The following ZNF254 variants were observed in gnomAD, a reference collection of about 807,000 sequenced individuals.
ZNF254 encodes the protein zinc finger protein 254.
Under a neutral mutation model 12.4 loss-of-function variants are expected in ZNF254, and 10 were observed. That is an observed-to-expected ratio of 0.80 (90% CI 0.50 to 1.36). The LOEUF is 1.36. Among genes scored for constraint, ZNF254 ranks in the 40% most tolerant of loss-of-function variants. ZNF254 has a pLI of 0.00. For synonymous variants in ZNF254, 305 were observed against 253.4 expected (o/e 1.20, Z -1.93); for missense variants, 996 against 763.9 (o/e 1.30, Z -3.58).
chr19:24,077,226 C>A (rs1971689751), intron 2 of ZNF254, among the ~76,000 whole-genome samples: 1 of 152,170 alleles, frequency 6.6e-6, no homozygotes, highest in African/African-American at 2.4e-5. Flanking sequence ...CTGACCACAC[C>A]AATGTACATC....
intron 2 of ZNF254, among the ~76,000 whole-genome samples, chr19:24,063,597 G>A (rs1421809930): frequency 1.3e-5 from 2 of 152,156 alleles, no homozygotes; most frequent in Non-Finnish European, 2.9e-5. Flanking sequence ...AGAGGGGATT[G>A]TAATATATGT....
upstream of ZNF254, among the ~76,000 whole-genome samples, chr19:24,086,035 G>A (rs941386650): frequency 3.3e-5 from 5 of 151,238 alleles, no homozygotes; most frequent in East Asian, 8.1e-4. Flanking sequence ...GTGAAACCCC[G>A]TCTCTACTAA....
At chr19:24,109,263 A>G (rs1392650859) in intron 3 of ZNF254, among the ~76,000 whole-genome samples, 1 of 152,186 alleles carries the variant, frequency 6.6e-6, no homozygotes, top group Non-Finnish European at 1.5e-5. Flanking sequence ...TACTGCATTT[A>G]CTCTGAAATT....
intron 3 of ZNF254, among the ~76,000 whole-genome samples, chr19:24,115,205 G>C (rs1202037517): frequency 7.9e-5 from 12 of 151,974 alleles, no homozygotes; most frequent in Admixed American, 3.9e-4. Flanking sequence ...AAATCATGCT[G>C]CTATAAAGAC....
chr19:24,039,434 AT>A (rs939401166), intron 1 of ZNF254, among the ~76,000 whole-genome samples: 3 of 151,958 alleles, frequency 2.0e-5, no homozygotes, highest in African/African-American at 7.3e-5. Context: ...TTATTTGTTT[AT>A]TTTTTTATGA....
At chr19:24,116,847 G>A (rs1478857568) in intron 3 of ZNF254, among the ~76,000 whole-genome samples, 1 of 152,038 alleles carries the variant, frequency 6.6e-6, no homozygotes, top group African/African-American at 2.4e-5. Context: ...GGTCTTTGAC[G>A]ATGGTGATGT....
chr19:24,096,834 C>T (rs375966591), intron 1 of ZNF254, among the ~76,000 whole-genome samples: 9 of 152,256 alleles, frequency 5.9e-5, no homozygotes, highest in Admixed American at 2.6e-4. Flanking sequence ...TTCATGTGAA[C>T]CCATGAATTT....
chr19:24,109,133 G>T (rs1973510657), intron 3 of ZNF254, among the ~76,000 whole-genome samples: 1 of 152,178 alleles, frequency 6.6e-6, no homozygotes, highest in Non-Finnish European at 1.5e-5. Context: ...TCTAAACTTG[G>T]ATTACAGTAG....
At chr19:24,108,520 G>GTTAT (rs1973472045) in intron 3 of ZNF254, among the ~76,000 whole-genome samples, 1 of 152,078 alleles carries the variant, frequency 6.6e-6, no homozygotes, top group African/African-American at 2.4e-5. Flanking sequence ...TTGATCTGGG[G>GTTAT]TATTGTAACA....
rs189003352 is a variant in ZNF254 at position 24,101,328 on chromosome 19, T to A, written c.31-4612T>A. On this transcript the variant is annotated intron_variant, in intron 1 of 3. Transcript: ENST00000357002. ...TATAAAACAGGGTCCTACTTTAGAT[T>A]GAGAATGTACAGAAAACCAATAGGA... 6.6e-5 allele frequency among the ~76,000 whole-genome samples: 10 copies of A among 152,330 alleles called. No homozygotes were observed. In the East Asian group the frequency reaches 1.7e-3, roughly 26 times the overall value.
chr19:24,057,688 T>G (rs118046635), intron 2 of ZNF254, among the ~76,000 whole-genome samples: 1 of 152,238 alleles, frequency 6.6e-6, no homozygotes, highest in Admixed American at 6.5e-5. Context: ...TTTACTCTTA[T>G]AAGTGAATCC....
intron 3 of ZNF254, among the ~76,000 whole-genome samples, chr19:24,120,452 G>A (rs1171038247): frequency 1.3e-5 from 2 of 151,980 alleles, no homozygotes; most frequent in African/African-American, 2.4e-5. Context: ...ATTATTTTGT[G>A]TATTAACATT....
intron 2 of ZNF254, 129 bp from the exon 3 acceptor site, chr19:24,106,419 C>A (rs1973343783): frequency 1.5e-6 from 1 of 662,554 alleles, no homozygotes; most frequent in African/African-American, 1.9e-5. Context: ...TTAAAAATTT[C>A]TGTTATAAAT....
chr19:24,129,960 GTAAA>G (rs951263065), exon 4 of ZNF254: 2 of 152,060 alleles, frequency 1.3e-5, no homozygotes, highest in Admixed American at 6.6e-5. Context: ...AACCTTAGGT[GTAAA>G]TAAATTATGG....
intron 3 of ZNF254, among the ~76,000 whole-genome samples, chr19:24,114,771 CCTA>C (rs1973922747): frequency 6.7e-6 from 1 of 148,958 alleles, no homozygotes; most frequent in Admixed American, 6.7e-5. Flanking sequence ...ATTTTCGCAA[CCTA>C]CTCATCTGAC....
intron 1 of ZNF254, among the ~76,000 whole-genome samples, chr19:24,092,424 C>T (rs895410644): frequency 6.6e-6 from 1 of 152,038 alleles, no homozygotes; most frequent in Non-Finnish European, 1.5e-5. Context: ...CCCTCCCCCC[C>T]GGCCTCCCAA....
chr19:24,110,572 A>AG (rs1349262273), intron 3 of ZNF254, among the ~76,000 whole-genome samples: 3 of 152,118 alleles, frequency 2.0e-5, no homozygotes, highest in Non-Finnish European at 4.4e-5. Flanking sequence ...TTTCAAAAAA[A>AG]AAAAAGTGTA....
Position 24,106,556 on chromosome 19 carries a change from G to A in ZNF254, c.166G>A (p.Val56Ile), listed in dbSNP as rs751789205. The A allele has an allele frequency of 2.5e-5, 40 of 1,579,540 alleles. No homozygotes were observed. The highest frequency in any genetic ancestry group is 3.2e-5 in the Non-Finnish European group (37 of 1,160,670). The change falls in exon 3 of 4, where the codon GTC (valine) becomes ATC (isoleucine). Residue 56 changes from valine (V) to isoleucine (I), a missense_variant. By Grantham distance (29) the Val-to-Ile change is conservative. Transcript: ENST00000357002. ...TATTTTTAATAAAACAGGTATTGCT[G>A]TCTCTAAGCCAGACCTGATCACCTG... The part of the protein sequence containing the change: ...YRNLAFLGIA[V>I]SKPDLITCLE...
chr19:24,106,185 G>T, intron 2 of ZNF254, 119 bp downstream of exon 2: 1 of 1,318,654 alleles, frequency 7.6e-7, no homozygotes, highest in Non-Finnish European at 1.0e-6. Context: ...CTGGGGATTT[G>T]TCTGTTGAGA....
Sources: gnomAD v4.1 joint callset for allele counts (sites outside exome capture counted in the v4.1 genomes callset) on GRCh38, gnomAD v4.1.1 for gene constraint, MANE v1.5 for transcripts, NCBI Gene and HGNC (gene_info 2026-07-23, HGNC 2026-07-21) for gene names.